The following KCTD1 variants were observed in gnomAD, a reference collection of about 807,000 sequenced individuals.
KCTD1 encodes BTB/POZ domain-containing protein KCTD1.
KCTD1 carries 24 observed loss-of-function variants against 66.0 expected under a neutral mutation model. That is an observed-to-expected ratio of 0.36 (90% CI 0.26 to 0.51). The LOEUF (loss-of-function observed/expected upper bound fraction) is 0.51, where lower values mean the gene tolerates loss of function less well. Ranked by LOEUF, KCTD1 falls within the 20% of genes least tolerant of loss-of-function variation. The pLI is 0.95. For synonymous variants in KCTD1, 511 were observed against 517.2 expected (o/e 0.99, Z 0.16); for missense variants, 943 against 1,205.2 (o/e 0.78, Z 3.22).
intron 2 of KCTD1, among the ~76,000 whole-genome samples, chr18:26,495,657 C>A (rs1278665173): frequency 1.3e-5 from 2 of 151,944 alleles, no homozygotes; most frequent in Non-Finnish European, 2.9e-5. Context: ...AACTCATGTA[C>A]TGGGTTTAAA....
intron 1 of KCTD1, chr18:26,581,197 A>G (rs1051294861): frequency 2.0e-5 from 3 of 152,222 alleles, no homozygotes; most frequent in African/African-American, 7.2e-5. Flanking sequence ...GACTTCTCTA[A>G]ATATTCCACT....
At chr18:26,643,742 C>G (rs1184717389), upstream of KCTD1, among the ~76,000 whole-genome samples, 5 of 152,190 alleles carry the variant, frequency 3.3e-5, no homozygotes, top group African/African-American at 1.2e-4. Flanking sequence ...GCGGGCATAT[C>G]ACGAGGTCAG....
chr18:26,654,366 A>G (rs913909421), intron 1 of KCTD1, among the ~76,000 whole-genome samples: 5 of 152,138 alleles, frequency 3.3e-5, no homozygotes, highest in Admixed American at 2.6e-4. Context: ...AAGTGGCATA[A>G]TTTGTACAAT....
At chr18:26,593,143 A>G (rs1347080555) in intron 1 of KCTD1, among the ~76,000 whole-genome samples, 1 of 152,192 alleles carries the variant, frequency 6.6e-6, no homozygotes, top group African/African-American at 2.4e-5. Flanking sequence ...GCTCAGGTTA[A>G]CACCAAGCTT....
chr18:26,520,424 A>AC (rs750354145), intron 1 of KCTD1, among the ~76,000 whole-genome samples: 39 of 152,148 alleles, frequency 2.6e-4, no homozygotes, highest in Non-Finnish European at 5.1e-4. Context: ...GACCTCAGGT[A>AC]CCCCCACAGA....
intron 1 of KCTD1, among the ~76,000 whole-genome samples, chr18:26,568,659 AT>A (rs1465723054): frequency 6.6e-6 from 1 of 152,204 alleles, no homozygotes; most frequent in Non-Finnish European, 1.5e-5. Context: ...AATAGTACAA[AT>A]AAAAAATAAA....
intron 2 of KCTD1, among the ~76,000 whole-genome samples, chr18:26,484,905 G>A (rs1170357587): frequency 6.6e-6 from 1 of 152,206 alleles, no homozygotes; most frequent in Non-Finnish European, 1.5e-5. Context: ...AGGCAGGAAA[G>A]AACATGATGT....
intron 1 of KCTD1, among the ~76,000 whole-genome samples, chr18:26,654,170 A>C (rs1163322811): frequency 6.6e-6 from 1 of 152,240 alleles, no homozygotes; most frequent in Non-Finnish European, 1.5e-5. Context: ...AGCTAAATGG[A>C]AGTTTAAGAA....
intron 2 of KCTD1, among the ~76,000 whole-genome samples, chr18:26,494,196 C>A (rs781466232): frequency 6.6e-5 from 10 of 151,826 alleles, no homozygotes; most frequent in Non-Finnish European, 1.5e-4. Context: ...ATAGTGAGAC[C>A]CCTGTCTTTA....
chr18:26,549,250 G>T, upstream of KCTD1: 1 of 986,426 alleles, frequency 1.0e-6, no homozygotes, highest in Non-Finnish European at 1.2e-6. Flanking sequence ...CTACTTGCTG[G>T]CGGCGAGGCG....
At chr18:26,479,606 C>T (rs1187790654) in intron 2 of KCTD1, among the ~76,000 whole-genome samples, 2 of 152,180 alleles carry the variant, frequency 1.3e-5, no homozygotes, top group East Asian at 1.9e-4. Context: ...ACAGGCCTGG[C>T]GGAGGTGAAA....
rs1980026848 is a variant in KCTD1 at position 26,455,574 on chromosome 18, A to G, written c.*169T>C. 12 of 629,508 alleles carry G rather than the reference A, an allele frequency of 1.9e-5. No individual in the cohort carries two copies. In the South Asian group the frequency reaches 2.5e-4, roughly 13 times the overall value. 39.0% of individuals were successfully genotyped at this position (629,508 alleles called of 1,614,324 possible). A position where few individuals can be genotyped will look rare whatever the true frequency, so the allele number is the denominator to read the frequency against. ...TACACCTTGAGGATATCACTATTCC[A>G]ATTGTTCCCATATGAATACAGGTGT... is the stretch of plus-strand genomic sequence containing the variant. On this transcript the variant is annotated 3_prime_UTR_variant, in exon 5 of 5. Transcript: ENST00000580059.
chr18:26,651,595 C>A lies in KCTD1; in HGVS notation c.9+5765G>T, dbSNP rs149893457. On this transcript the variant is annotated intron_variant, in intron 1 of 4. Transcript: ENST00000580191. The stretch of plus-strand genomic sequence containing the variant: ...GGTCAGGAGTTCGAGACCAGCTTGG[C>A]CAAAATGGTGAAACCCCACCTCTAC... 6.6e-3 allele frequency among the ~76,000 whole-genome samples: 1,004 copies of A among 151,852 alleles called. 11 individuals are homozygous for A. The highest frequency in any genetic ancestry group is 0.023 in the African/African-American group (958 of 41,380).
Position 26,594,350 on chromosome 18 carries a change from G to A in KCTD1, c.-16+34797C>T, listed in dbSNP as rs374659708. Among the ~76,000 whole-genome samples the A allele has an allele frequency of 9.8e-5, 15 of 152,332 alleles. No homozygotes were observed. The East Asian group carries it at 2.3e-3, about 23-fold the overall frequency. ...ATATAGGTAAACTTTTGGCATTTGT[G>A]TACAGACTTATTTCTTAATTGATGT... On this transcript the variant is annotated intron_variant, in intron 1 of 4. Coordinates refer to the KCTD1 transcript ENST00000317932.
intron 4 of KCTD1, chr18:26,459,328 A>T: frequency 3.1e-6 from 1 of 327,274 alleles, no homozygotes. Context: ...GGCTCAAGTG[A>T]TCCTCCTGCC....
At chr18:26,616,422 G>A (rs1987255035) in intron 1 of KCTD1, among the ~76,000 whole-genome samples, 1 of 150,886 alleles carries the variant, frequency 6.6e-6, no homozygotes, top group South Asian at 2.1e-4. Context: ...CTCCCTCGAG[G>A]CCCATCTAAG....
At chr18:26,643,751 A>C (rs942538709), upstream of KCTD1, among the ~76,000 whole-genome samples, 15 of 152,186 alleles carry the variant, frequency 9.9e-5, no homozygotes, top group Admixed American at 2.6e-4. Flanking sequence ...TCACGAGGTC[A>C]GGAGATGGAG....
At chr18:26,615,574 G>A (rs1987231541) in intron 1 of KCTD1, among the ~76,000 whole-genome samples, 1 of 152,146 alleles carries the variant, frequency 6.6e-6, no homozygotes, top group Non-Finnish European at 1.5e-5. Context: ...TCTGTTTTGG[G>A]TGGTCTCCTC....
chr18:26,582,267 C>T (rs1288248300), intron 1 of KCTD1, among the ~76,000 whole-genome samples: 3 of 91,952 alleles, frequency 3.3e-5, no homozygotes, highest in Non-Finnish European at 4.7e-5. Context: ...AGTGACACCC[C>T]GTCTAAAAAA....
Sources: allele counts gnomAD v4.1 joint callset (sites outside exome capture counted in the v4.1 genomes callset), GRCh38; gene constraint gnomAD v4.1.1; transcripts MANE v1.5; gene names NCBI Gene and HGNC (gene_info 2026-07-23, HGNC 2026-07-21).